The following BEST1 variants were observed in gnomAD, a reference collection of about 807,000 sequenced individuals.
BEST1 encodes the protein bestrophin 1.
A neutral mutation model predicts 63.3 loss-of-function variants in BEST1; 58 were observed. The ratio of observed to expected loss-of-function variants is 0.92; its 90% CI spans 0.74 to 1.14. BEST1 has a LOEUF of 1.14. Among genes scored for constraint, BEST1 ranks in the 50% most tolerant of loss-of-function variants. BEST1 has a pLI of 0.00. For missense variants in BEST1, 671 were observed against 740.1 expected (o/e 0.91, Z 1.08); for synonymous variants, 283 against 291.6 (o/e 0.97, Z 0.30).
At chr11:61,957,537 G>C in intron 6 of BEST1, 73 bp downstream of exon 6, 1 of 1,451,606 alleles carries the variant, frequency 6.9e-7, no homozygotes, top group Non-Finnish European at 9.7e-7. Context: ...AGCTGGGGTG[G>C]GAAGGGCTCA....
rs560723493 is a variant in BEST1 at position 61,955,009 on chromosome 11, G to T, written c.153-98G>T. ...GGGGAAAATGTGGGATAGCATCGAG[G>T]CAGTCCCACTCCTACCCAGGGCCGG... On this transcript the variant is annotated intron_variant, in intron 2 of 10. Coordinates refer to ENST00000378043, the MANE Select transcript of BEST1 (RefSeq NM_004183.4). 71 of 1,564,864 alleles carry T rather than the reference G, an allele frequency of 4.5e-5. No individual in the cohort carries two copies. The African/African-American group carries it at 9.1e-4, about 20-fold the overall frequency.
chr11:61,963,767 G>A (rs1942314122), intron 10 of BEST1: 28 of 1,207,354 alleles, frequency 2.3e-5, no homozygotes, highest in Admixed American at 3.9e-5. Context: ...TGGGCTGGGT[G>A]TGGAGGCAAG....
Position 61,962,115 on chromosome 11 carries a change from AGAGCTGGGGCATGGT to A in BEST1, c.1101-136_1101-122del, listed in dbSNP as rs557065711. ...TACAGGACAGATCAGGAGAGAGGTGAGAGCTGGGGCATGGTGAGGAAGACGGTGTGGCCTTGGCTT... is the reference window on the plus strand; with the variant it reads ...TACAGGACAGATCAGGAGAGAGGTGAGAGGAAGACGGTGTGGCCTTGGCTT... On this transcript the variant is annotated intron_variant, in intron 9 of 10. Coordinates refer to ENST00000378043, the MANE Select transcript of BEST1 (RefSeq NM_004183.4). The A allele has an allele frequency of 8.8e-5, 72 of 819,930 alleles. 2 individuals carry two copies. Among genetic ancestry groups the A allele is most frequent in the South Asian group, 7.4e-4 (47 of 63,864 alleles). The allele number at this position is 819,930 out of a possible 1,614,324, so 50.8% of individuals were successfully genotyped here. A position where few individuals can be genotyped will look rare whatever the true frequency, so the allele number is the denominator to read the frequency against.
chr11:61,955,848 C>T lies in BEST1; in HGVS notation c.378C>T (p.Arg126=). 1 of 1,550,484 alleles carries T rather than the reference C, an allele frequency of 6.4e-7. No individual in the cohort carries two copies. The highest frequency in any genetic ancestry group is 2.4e-5 in the East Asian group (1 of 40,988). The part of the protein sequence containing the change: ...GKDEQGRLLR[R]TLIRYANLGN... ...ACGAGCAAGGCCGGCTGCTGCGGCG[C>T]ACGCTCATCCGCTACGCCAACCTGG... is the stretch of plus-strand genomic sequence containing the variant. The change falls in exon 4 of 11, where the codon CGC becomes CGT. Residue 126 remains arginine (R), a synonymous_variant. Transcript: ENST00000378043.
rs762040678 is a variant in BEST1, at chr11:61,955,108, C to A, written c.154C>A (p.Leu52Met). 1 of 1,603,528 alleles carries A rather than the reference C, an allele frequency of 6.2e-7. No individual in the cohort carries two copies. Among genetic ancestry groups the A allele is most frequent in the Non-Finnish European group, 8.5e-7 (1 of 1,176,926 alleles). ...CYYIIRFIYR[L>M]ALTEEQQLMF... ...TTCCACCCCCACCCCCACCCCCAGG[C>A]TGGCCCTCACGGAAGAACAACAGCT... Residue 52 changes from leucine (L) to methionine (M), a missense_variant and splice_region_variant, in exon 3 of 11, where the codon CTG becomes ATG. Physicochemically the swap from Leu to Met is conservative, Grantham distance 15. Transcript: ENST00000378043.
At chr11:61,959,624 T>C (rs1941830260) in intron 8 of BEST1, 46 bp downstream of exon 8, 2 of 1,604,748 alleles carry the variant, frequency 1.2e-6, no homozygotes, top group South Asian at 1.1e-5. Flanking sequence ...TTCCCCAAAG[T>C]GGACCCAAAG....
At chr11:61,958,794 A>ACTCT (rs1941684588) in intron 7 of BEST1, 1 of 289,468 alleles carries the variant, frequency 3.5e-6, no homozygotes, top group South Asian at 3.1e-5. Context: ...TTGCCCACCC[A>ACTCT]CTCTCTCTCC....
intron 4 of BEST1, 96 bp from the exon 5 acceptor site, chr11:61,956,748 T>C (rs1941411143): frequency 6.7e-7 from 1 of 1,491,022 alleles, no homozygotes; most frequent in Middle Eastern, 1.7e-4. Context: ...AGAAAGAGGA[T>C]GGCAAAGGAG....
chr11:61,951,447 G>T (rs1297393476), intron 1 of BEST1, among the ~76,000 whole-genome samples: 1 of 152,140 alleles, frequency 6.6e-6, no homozygotes, highest in Admixed American at 6.5e-5. Context: ...GACCTTAGGT[G>T]ATCCACCTGC....
chr11:61,954,220 G>A (rs1941025517), intron 2 of BEST1, among the ~76,000 whole-genome samples: 1 of 150,728 alleles, frequency 6.6e-6, no homozygotes, highest in Non-Finnish European at 1.5e-5. Context: ...TCCTCCCCCT[G>A]CCCCCAGCCT....
intron 7 of BEST1, 130 bp from the exon 8 acceptor site, chr11:61,959,368 C>G (rs529861874): frequency 4.2e-5 from 37 of 871,436 alleles, no homozygotes; most frequent in Admixed American, 1.6e-4. Flanking sequence ...CTAAACTCTG[C>G]CTTTGAAGAC....
At chr11:61,954,830 T>C (rs931997051) in intron 2 of BEST1, 2 of 985,346 alleles carry the variant, frequency 2.0e-6, no homozygotes, top group Non-Finnish European at 2.4e-6. Context: ...AACTGGCCTC[T>C]GCAGCAGGAC....
intron 10 of BEST1, chr11:61,963,123 T>A: frequency 6.9e-7 from 1 of 1,459,100 alleles, no homozygotes; most frequent in Middle Eastern, 1.8e-4. Flanking sequence ...CCCGGAAGAC[T>A]TCTTGGGACC....
At chr11:61,964,897 A>C (rs1942411779), downstream of BEST1, 1 of 1,611,050 alleles carries the variant, frequency 6.2e-7, no homozygotes, top group Non-Finnish European at 8.5e-7. Context: ...CACAACTGCA[A>C]AACAATGGGG....
chr11:61,963,990 CAAAA>C (rs34046408), intron 10 of BEST1, 110 bp from the exon 11 acceptor site: 441 of 1,402,762 alleles, frequency 3.1e-4, no homozygotes, highest in Middle Eastern at 1.3e-3. Flanking sequence ...GAGACTGTCT[CAAAA>C]AAAAAAAAAA....
chr11:61,953,166 G>T (rs988646664), intron 2 of BEST1, among the ~76,000 whole-genome samples: 1 of 152,130 alleles, frequency 6.6e-6, no homozygotes, highest in African/African-American at 2.4e-5. Context: ...ATTTTAAATT[G>T]AAAAAGCATT....
At chr11:61,964,775 T>C (rs749302345), downstream of BEST1, 1 of 1,599,762 alleles carries the variant, frequency 6.3e-7, no homozygotes, top group East Asian at 2.2e-5. Flanking sequence ...CAAAGAGATA[T>C]TCCGCCAAGC....
rs1941491550 is a variant in BEST1 at position 61,957,380 on chromosome 11, C to T, written c.637-7C>T. On this transcript the variant is annotated splice_region_variant and splice_polypyrimidine_tract_variant and intron_variant, in intron 5 of 10. Transcript: ENST00000378043. ...TCAGAACCCCATCCCCCTCTTCTGCCCCCCAGGAGATGAACACCTTGCGTA... is the reference window on the plus strand; with the variant it reads ...TCAGAACCCCATCCCCCTCTTCTGCTCCCCAGGAGATGAACACCTTGCGTA... 1.2e-6 allele frequency: 2 copies of T among 1,613,472 alleles called. No individual in the cohort carries two copies. The highest frequency in any genetic ancestry group is 1.7e-6 in the Non-Finnish European group (2 of 1,179,474).
rs780893729 is a variant in BEST1, at chr11:61,955,232, C to T, written c.247+31C>T. ...TTCCCCCTTCTGGCTGTTCCGGGTC[C>T]CTGTGGCCGCCCAGGCTCCAGACAG... On this transcript the variant is annotated intron_variant, in intron 3 of 10. Transcript: ENST00000378043. The T allele has an allele frequency of 1.7e-5, 28 of 1,614,158 alleles. No homozygotes were observed. The Middle Eastern group carries it at 2.0e-3, about 114-fold the overall frequency.
Sources: gnomAD v4.1 joint callset for allele counts (sites outside exome capture counted in the v4.1 genomes callset) on GRCh38, gnomAD v4.1.1 for gene constraint, MANE v1.5 for transcripts, NCBI Gene and HGNC (gene_info 2026-07-23, HGNC 2026-07-21) for gene names.